AK5: variants seen among roughly 807,000 people sequenced by gnomAD.
AK5 encodes adenylate kinase isoenzyme 5.
In AK5, 27 loss-of-function variants were observed where a neutral mutation model predicts 69.5. The observed-to-expected ratio is 0.39, with a 90% CI of 0.29 to 0.54. The LOEUF (loss-of-function observed/expected upper bound fraction) is 0.54. Among genes scored for constraint, AK5 ranks in the 20% least tolerant of loss-of-function variants. AK5 has a pLI of 0.71. For missense variants in AK5, 531 were observed against 700.4 expected (o/e 0.76, Z 2.73); for synonymous variants, 260 against 244.4 (o/e 1.06, Z -0.60).
At chr1:77,458,758 G>A (rs971114819) in intron 8 of AK5, among the ~76,000 whole-genome samples, 1 of 152,176 alleles carries the variant, frequency 6.6e-6, no homozygotes, top group African/African-American at 2.4e-5. Flanking sequence ...AATTATGGGA[G>A]CTACAAGATG....
intron 6 of AK5, among the ~76,000 whole-genome samples, chr1:77,388,709 T>C (rs1017818259): frequency 6.6e-5 from 10 of 151,110 alleles, no homozygotes; most frequent in Non-Finnish European, 1.0e-4. Flanking sequence ...AAAACTATTA[T>C]GCTCTACTGA....
chr1:77,381,096 C>G (rs960575272), intron 6 of AK5, among the ~76,000 whole-genome samples: 6 of 152,272 alleles, frequency 3.9e-5, no homozygotes, highest in East Asian at 1.9e-4. Context: ...TGTGTTCCCC[C>G]CCGAATTTGT....
intron 8 of AK5, among the ~76,000 whole-genome samples, chr1:77,474,018 G>A (rs925461981): frequency 1.3e-5 from 2 of 152,176 alleles, no homozygotes; most frequent in African/African-American, 4.8e-5. Context: ...AGGCAAAGGG[G>A]AAGGCATTCC....
At position 77,346,651 on chromosome 1, in the gene AK5, C is replaced by G. The variant is rs531717970; in HGVS notation, c.891+6083C>G. On this transcript the variant is annotated intron_variant, in intron 6 of 13. Transcript: ENST00000354567. ...AGCTGGAACTACAGGTGTATGCCAC[C>G]ATGCCCACCTAATTTTTCGTATGTT... 2.5e-4 allele frequency among the ~76,000 whole-genome samples: 38 copies of G among 152,180 alleles called. 1 individual carries two copies. In the South Asian group the frequency reaches 7.7e-3, roughly 31 times the overall value.
intron 13 of AK5, among the ~76,000 whole-genome samples, chr1:77,547,271 CTTTTTT>C (rs532879024): frequency 3.7e-5 from 4 of 107,442 alleles, no homozygotes; most frequent in Middle Eastern, 6.9e-3. Flanking sequence ...ATAAAGTTCT[CTTTTTT>C]TTTTTTTTTT....
chr1:77,298,681 G>A (rs1721167), intron 5 of AK5, among the ~76,000 whole-genome samples: 147,535 of 149,692 alleles, frequency 0.99, 72,743 homozygotes, highest in East Asian at 1. Flanking sequence ...AAAATTAACC[G>A]GGTATAGTGG....
intron 8 of AK5, among the ~76,000 whole-genome samples, chr1:77,476,461 G>A (rs1438852523): frequency 6.8e-6 from 1 of 146,842 alleles, no homozygotes; most frequent in African/African-American, 2.5e-5. Context: ...CAGTTTTCCA[G>A]TAAAACCTGT....
chr1:77,437,326 CA>C (rs1411907945), intron 8 of AK5, among the ~76,000 whole-genome samples: 1 of 152,026 alleles, frequency 6.6e-6, no homozygotes, highest in Non-Finnish European at 1.5e-5. Context: ...AACATAAAAA[CA>C]TACAGACAAC....
At chr1:77,323,188 C>G (rs1368596296) in intron 5 of AK5, among the ~76,000 whole-genome samples, 1 of 152,010 alleles carries the variant, frequency 6.6e-6, no homozygotes, top group African/African-American at 2.4e-5. Context: ...GACAGAGTTT[C>G]GCCATGTTGG....
At chr1:77,391,689 A>G (rs1160664819) in intron 6 of AK5, among the ~76,000 whole-genome samples, 1 of 151,802 alleles carries the variant, frequency 6.6e-6, no homozygotes, top group African/African-American at 2.4e-5. Flanking sequence ...AACATTTCCC[A>G]TGTGCAGACA....
chr1:77,475,167 G>GTATATATATATA (rs35137146), intron 8 of AK5, among the ~76,000 whole-genome samples: 6 of 89,908 alleles, frequency 6.7e-5, no homozygotes, highest in Non-Finnish European at 2.4e-5. Flanking sequence ...GTGTGTGCAT[G>GTATATATATATA]TATATATATA....
chr1:77,377,125 T>C (rs78749827), intron 6 of AK5, among the ~76,000 whole-genome samples: 129 of 152,334 alleles, frequency 8.5e-4, no homozygotes, highest in African/African-American at 2.9e-3. Flanking sequence ...GATTCTGTGT[T>C]GTCTTTCTTG....
At chr1:77,356,968 T>C (rs1662561002) in intron 6 of AK5, among the ~76,000 whole-genome samples, 1 of 152,208 alleles carries the variant, frequency 6.6e-6, no homozygotes, top group East Asian at 1.9e-4. Flanking sequence ...TCAGAAGCTA[T>C]TTGATAAGCT....
chr1:77,535,602 T>G (rs3738079), intron 12 of AK5, among the ~76,000 whole-genome samples: 104,041 of 151,952 alleles, frequency 0.68, 36,252 homozygotes, highest in Admixed American at 0.76. Context: ...TGGCATATAC[T>G]CGTCTGCATC....
chr1:77,429,121 A>G (rs1272486508), intron 8 of AK5, among the ~76,000 whole-genome samples: 2 of 152,148 alleles, frequency 1.3e-5, no homozygotes, highest in African/African-American at 4.8e-5. Context: ...ATACCCAGTA[A>G]TGGGATGGCT....
chr1:77,343,615 T>C (rs6662853), intron 6 of AK5, among the ~76,000 whole-genome samples: 119,741 of 152,058 alleles, frequency 0.79, 47,350 homozygotes, highest in South Asian at 0.9. Context: ...TGTGTGACTT[T>C]CTGCAGGTTA....
intron 8 of AK5, among the ~76,000 whole-genome samples, chr1:77,461,505 C>T (rs1201833979): frequency 6.6e-6 from 1 of 151,774 alleles, no homozygotes; most frequent in Non-Finnish European, 1.5e-5. Flanking sequence ...GGCACGGTGG[C>T]TTACGCCTGT....
intron 5 of AK5, among the ~76,000 whole-genome samples, chr1:77,308,563 A>G (rs570247355): frequency 2.6e-4 from 39 of 152,270 alleles, no homozygotes; most frequent in Non-Finnish European, 3.5e-4. Context: ...CCAACTAAAC[A>G]TGCTGCTAGC....
chr1:77,402,191 T>C lies in AK5; in HGVS notation c.892-8790T>C, dbSNP rs74420693. Among the ~76,000 whole-genome samples the C allele has an allele frequency of 4.2e-3, 647 of 152,278 alleles. 5 individuals carry two copies. The highest frequency in any genetic ancestry group is 0.015 in the African/African-American group (619 of 41,544). On this transcript the variant is annotated intron_variant, in intron 6 of 13. Transcript: ENST00000354567. ...TAAATAAATTTTTATTCCTAGAAAC[T>C]CATCACTCTACCTATGCTACCGCTG...
Sources: gnomAD v4.1 joint callset for allele counts (sites outside exome capture counted in the v4.1 genomes callset) on GRCh38, gnomAD v4.1.1 for gene constraint, MANE v1.5 for transcripts, NCBI Gene and HGNC (gene_info 2026-07-23, HGNC 2026-07-21) for gene names.